Variants in TNN observed in about 807,000 individuals in gnomAD.
TNN encodes the protein tenascin N.
TNN carries 122 observed loss-of-function variants against 134.4 expected under a neutral mutation model. That is an observed-to-expected ratio of 0.91 (90% CI 0.78 to 1.06). The LOEUF (loss-of-function observed/expected upper bound fraction) is 1.06, where lower values mean the gene tolerates loss of function less well. Among genes scored for constraint, TNN ranks in the 50% least tolerant of loss-of-function variants. TNN has a pLI of 0.00. For synonymous variants in TNN, 710 were observed against 670.3 expected (o/e 1.06, Z -0.91); for missense variants, 1,739 against 1,699.4 (o/e 1.02, Z -0.41).
rs751329802 is a variant in TNN, at chr1:175,079,646, C to T, written c.723C>T (p.Gly241=). 2 of 1,609,004 alleles carry T rather than the reference C, an allele frequency of 1.2e-6. No homozygotes were observed. The highest frequency in any genetic ancestry group is 1.7e-6 in the Non-Finnish European group (2 of 1,178,660). The change falls in exon 3 of 19, where the codon GGC becomes GGT. Residue 241 remains glycine (G), a synonymous_variant. Coordinates refer to ENST00000239462, the MANE Select transcript of TNN (RefSeq NM_022093.2). ...GTCCCGGCGACTGCAGCGGCCACGGCTTCTGTGACACGGGCGAGTGCTACT... is the reference window on the plus strand; with the variant it reads ...GTCCCGGCGACTGCAGCGGCCACGGTTTCTGTGACACGGGCGAGTGCTACT... ...KRCPGDCSGH[G]FCDTGECYCE... is the part of the protein sequence containing the mutation.
chr1:175,096,181 G>A (rs1163757663), intron 7 of TNN, among the ~76,000 whole-genome samples: 1 of 152,226 alleles, frequency 6.6e-6, no homozygotes, highest in Non-Finnish European at 1.5e-5. Context: ...GACAGGATAG[G>A]GGTCATGCAG....
intron 10 of TNN, 139 bp from the exon 11 acceptor site, chr1:175,118,422 C>G (rs752354311): frequency 9.5e-6 from 10 of 1,053,128 alleles, no homozygotes; most frequent in Admixed American, 7.9e-5. Context: ...GTCCATGAAA[C>G]AGCTAAAAAT....
intron 6 of TNN, among the ~76,000 whole-genome samples, chr1:175,091,546 TTTTATTTATTATTTTTA>T (rs1574147541): frequency 7.0e-6 from 1 of 141,964 alleles, no homozygotes; most frequent in South Asian, 2.2e-4. Context: ...ATTTATTTAC[TTTTATTTATTATTTTTA>T]TTTATTTATT....
At chr1:175,112,249 T>A (rs1012810216) in intron 9 of TNN, among the ~76,000 whole-genome samples, 1 of 151,586 alleles carries the variant, frequency 6.6e-6, no homozygotes, top group Non-Finnish European at 1.5e-5. Flanking sequence ...GAGATGATAT[T>A]TTTTTTTATT....
intron 1 of TNN, among the ~76,000 whole-genome samples, chr1:175,072,926 CTTTTTTTT>C (rs60879960): frequency 6.4e-5 from 3 of 46,768 alleles, no homozygotes; most frequent in Non-Finnish European, 3.6e-5. Context: ...GAGTCCACGG[CTTTTTTTT>C]TTTTTTTTTT....
chr1:175,127,040 C>T lies in TNN; in HGVS notation c.3000C>T (p.Ile1000=), dbSNP rs1675546704. ...ILTWTPPSAQ[I]HGYILTYQFP... is the part of the protein sequence containing the mutation. Reference sequence around the variant, plus strand: ...CCTGGACGCCCCCCTCTGCTCAGATCCACGGCTACATTCTGACTTACCAGT... The same window carrying T: ...CCTGGACGCCCCCCTCTGCTCAGATTCACGGCTACATTCTGACTTACCAGT... The change falls in exon 13 of 19, where the codon ATC becomes ATT. Residue 1000 remains isoleucine (I), a synonymous_variant. Coordinates refer to ENST00000239462, the MANE Select transcript of TNN (RefSeq NM_022093.2). The T allele has an allele frequency of 1.2e-6, 2 of 1,614,158 alleles. No individual in the cohort carries two copies. Among genetic ancestry groups the T allele is most frequent in the Non-Finnish European group, 1.7e-6 (2 of 1,180,016 alleles).
intron 9 of TNN, among the ~76,000 whole-genome samples, chr1:175,105,100 C>A (rs931052171): frequency 6.8e-6 from 1 of 146,064 alleles, no homozygotes; most frequent in Non-Finnish European, 1.5e-5. Context: ...TATCTCCAAA[C>A]TCTCAGGCTG....
rs755253081 is a variant in TNN at position 175,079,395 on chromosome 1, G to C, written c.472G>C (p.Glu158Gln). 1.3e-6 allele frequency: 2 copies of C among 1,598,830 alleles called. No homozygotes were observed. Among genetic ancestry groups the C allele is most frequent in the Non-Finnish European group, 1.7e-6 (2 of 1,176,340 alleles). ...FSLETCSCHC[E>Q]EGREGPACER... ...CCTGGAGACCTGCAGCTGCCACTGC[G>C]AAGAGGGCAGGGAGGGCCCCGCCTG... Residue 158 changes from glutamate to glutamine, a missense_variant, in exon 3 of 19, where the codon GAA (glutamate) becomes CAA (glutamine). Physicochemically the swap from Glu to Gln is conservative, Grantham distance 29. Transcript: ENST00000239462.
chr1:175,073,062 A>AT (rs1158927153), intron 1 of TNN, among the ~76,000 whole-genome samples: 1 of 149,130 alleles, frequency 6.7e-6, no homozygotes, highest in Non-Finnish European at 1.5e-5. Flanking sequence ...TTTCAGCCCT[A>AT]TTTTTGCCCA....
intron 6 of TNN, among the ~76,000 whole-genome samples, chr1:175,092,487 T>TTGCAGTA (rs1674476007): frequency 6.6e-6 from 1 of 152,216 alleles, no homozygotes; most frequent in Non-Finnish European, 1.5e-5. Context: ...CTCTAGTTAC[T>TTGCAGTA]GTCTATTACT....
At chr1:175,134,438 G>T (rs10912892) in intron 15 of TNN, among the ~76,000 whole-genome samples, 15 of 151,426 alleles carry the variant, frequency 9.9e-5, no homozygotes, top group African/African-American at 1.7e-4. Flanking sequence ...CCAGCTACTT[G>T]GGAGGCTGAG....
At chr1:175,125,423 T>A (rs1449188444) in intron 12 of TNN, among the ~76,000 whole-genome samples, 1 of 152,124 alleles carries the variant, frequency 6.6e-6, no homozygotes, top group East Asian at 1.9e-4. Flanking sequence ...GAGCTTCTGT[T>A]TTCCTGGTCT....
intron 6 of TNN, 32 bp from the exon 7 acceptor site, chr1:175,093,958 C>T: frequency 6.4e-7 from 1 of 1,572,796 alleles, no homozygotes; most frequent in Non-Finnish European, 8.7e-7. Flanking sequence ...ACTGGTTTCT[C>T]TGATTTTTCT....
intron 9 of TNN, among the ~76,000 whole-genome samples, chr1:175,116,494 G>C (rs1427191754): frequency 6.6e-6 from 1 of 152,160 alleles, no homozygotes. Flanking sequence ...TATGAAATTA[G>C]TTACATGCAT....
chr1:175,136,774 G>A (rs762671551), intron 16 of TNN, 47 bp from the exon 17 acceptor site: 28 of 1,579,390 alleles, frequency 1.8e-5, no homozygotes, highest in Admixed American at 5.2e-5. Flanking sequence ...GTGCTTACTC[G>A]CACACATGGG....
Position 175,128,106 on chromosome 1 carries a change from C to A in TNN, c.3120C>A (p.Ser1040=). ...GLEQGATYPV[S]LVAFKGGRRS... ...AGCAAGGCGCCACCTACCCTGTCTC[C>A]CTTGTTGCCTTTAAGGGTGGTCGCC... Residue 1040 remains serine, a synonymous_variant, in exon 14 of 19, where the codon TCC becomes TCA. Transcript: ENST00000239462. 6.2e-7 allele frequency: 1 copy of A among 1,613,866 alleles called. No individual in the cohort carries two copies. Among genetic ancestry groups the A allele is most frequent in the Non-Finnish European group, 8.5e-7 (1 of 1,179,848 alleles).
chr1:175,128,591 C>T lies in TNN; in HGVS notation c.3179-4C>T. ...TAACAACACTCTCTCTGCTTGGCTC[C>T]CAGTTGGTGCCCGTTTCCCACACCC... is the stretch of plus-strand genomic sequence containing the variant. On this transcript the variant is annotated splice_polypyrimidine_tract_variant and splice_region_variant and intron_variant, in intron 14 of 18. Coordinates refer to ENST00000239462, the MANE Select transcript of TNN (RefSeq NM_022093.2). The T allele has an allele frequency of 6.2e-7, 1 of 1,608,848 alleles. No homozygotes were observed.
At position 175,123,387 on chromosome 1, in the gene TNN, T is replaced by C. The variant is rs182091656; in HGVS notation, c.2651-13T>C. ...GTTCTAAAGTTCAGCCTTTTCTAAA[T>C]CTTTTTAAAAAGAAATTGACGGCCC... On this transcript the variant is annotated splice_polypyrimidine_tract_variant and intron_variant, in intron 11 of 18. Coordinates refer to ENST00000239462, the MANE Select transcript of TNN (RefSeq NM_022093.2). 4.1e-4 allele frequency: 657 copies of C among 1,613,020 alleles called. 5 individuals are homozygous for C. Among genetic ancestry groups the C allele is most frequent in the Non-Finnish European group, 1.1e-4 (130 of 1,179,708 alleles).
chr1:175,111,778 A>AT (rs202241032), intron 9 of TNN, among the ~76,000 whole-genome samples: 19,125 of 148,224 alleles, frequency 0.13, 1,458 homozygotes, highest in Non-Finnish European at 0.18. Flanking sequence ...TGCTTCCTTG[A>AT]TTTTTTTTTT....
Sources: gnomAD v4.1 joint callset for allele counts (sites outside exome capture counted in the v4.1 genomes callset) on GRCh38, gnomAD v4.1.1 for gene constraint, MANE v1.5 for transcripts, NCBI Gene and HGNC (gene_info 2026-07-23, HGNC 2026-07-21) for gene names.